The following UNC5A variants were observed in gnomAD, a reference collection of about 807,000 sequenced individuals.
UNC5A encodes the protein unc-5 netrin receptor A.
Under a neutral mutation model 87.4 loss-of-function variants are expected in UNC5A, and 20 were observed. That is an observed-to-expected ratio of 0.23 (90% CI 0.16 to 0.33). The LOEUF is 0.33. Ranked by LOEUF, UNC5A falls within the 10% of genes least tolerant of loss-of-function variation. The pLI is 1.00. For missense variants in UNC5A, 844 were observed against 1,133.4 expected, an observed-to-expected ratio of 0.74 and a Z score of 3.67; for synonymous variants, 438 against 482.3, an observed-to-expected ratio of 0.91 and a Z score of 1.20.
At chr5:176,828,445 G>A (rs1397684243) in intron 1 of UNC5A, among the ~76,000 whole-genome samples, 2 of 152,070 alleles carry the variant, frequency 1.3e-5, no homozygotes, top group Admixed American at 6.5e-5. Context: ...GGCTGGAGGT[G>A]GCAGGACCAG....
rs1384063214 is a variant in UNC5A, at chr5:176,877,572, A to G, written c.1504A>G (p.Ile502Val). The change falls in exon 10 of 15, where the codon ATC becomes GTC. Residue 502 changes from isoleucine to valine, a missense_variant. Ile to Val is a conservative substitution (Grantham distance 29). This residue lies in a region of UNC5A where 353 missense variants were observed against 387.5 expected (regional missense o/e 0.91). Transcript: ENST00000329542. ...TGGCTGTCAGACCCTGCTGAGTCCC[A>G]TCGTTAGCTGTGGACCCCCTGGCGT... is the stretch of plus-strand genomic sequence containing the variant. ...LAGCQTLLSP[I>V]VSCGPPGVLL... The G allele has an allele frequency of 1.9e-6, 3 of 1,610,448 alleles. No homozygotes were observed. The highest frequency in any genetic ancestry group is 1.7e-4 in the Middle Eastern group (1 of 6,044).
intron 1 of UNC5A, among the ~76,000 whole-genome samples, chr5:176,830,662 G>A (rs1257950100): frequency 1.4e-5 from 2 of 145,112 alleles, no homozygotes; most frequent in South Asian, 2.3e-4. Context: ...GTGTGTGTGT[G>A]CTGGTGTGTG....
chr5:176,870,233 T>C, intron 5 of UNC5A, 137 bp from the exon 6 acceptor site: 1 of 1,098,054 alleles, frequency 9.1e-7, no homozygotes, highest in Non-Finnish European at 1.3e-6. Context: ...ATCGTGGGCC[T>C]GGCCCTGGCT....
chr5:176,851,037 G>T (rs1432102787), intron 1 of UNC5A, among the ~76,000 whole-genome samples: 3 of 151,566 alleles, frequency 2.0e-5, no homozygotes, highest in Non-Finnish European at 3.0e-5. Flanking sequence ...ATGGACGTGG[G>T]TCCCTCTTGG....
At position 176,878,898 on chromosome 5, in the gene UNC5A, G is replaced by A. The variant is rs745903589; in HGVS notation, c.2184+259G>A. 2.0e-5 allele frequency among the ~76,000 whole-genome samples: 3 copies of A among 152,336 alleles called. No individual in the cohort carries two copies. In the South Asian group the frequency reaches 6.2e-4, roughly 32 times the overall value. On this transcript the variant is annotated intron_variant, in intron 13 of 14. Transcript: ENST00000329542. ...AGGGGAGACCCTGGAGGGCTTCCCT[G>A]AGGAGGGGCTTTGTACTGGGCCCCA...
At chr5:176,857,048 G>A (rs1170680391) in intron 1 of UNC5A, among the ~76,000 whole-genome samples, 1 of 152,212 alleles carries the variant, frequency 6.6e-6, no homozygotes, top group Non-Finnish European at 1.5e-5. Flanking sequence ...GCCTGGCCTT[G>A]GCATTCAGGG....
At position 176,848,113 on chromosome 5, in the gene UNC5A, G is replaced by A. The variant is rs1487434413; in HGVS notation, c.71-14511G>A. Among the ~76,000 whole-genome samples, 7 of 152,136 alleles carry A rather than the reference G, an allele frequency of 4.6e-5. No individual in the cohort carries two copies. Among genetic ancestry groups the A allele is most frequent in the African/African-American group, 1.2e-4 (5 of 41,492 alleles). On this transcript the variant is annotated intron_variant, in intron 1 of 14. Coordinates refer to ENST00000329542, the MANE Select transcript of UNC5A (RefSeq NM_133369.3). The surrounding 1 kb of genome is among the most constrained non-coding windows in gnomAD (Gnocchi z 5.8). Reference sequence around the variant, plus strand: ...TGACCAGCTGACCAGCAGCCCCCACGCTGCGGCCTCCTCCAGGCTGGTTTC... The same window carrying A: ...TGACCAGCTGACCAGCAGCCCCCACACTGCGGCCTCCTCCAGGCTGGTTTC...
Position 176,868,215 on chromosome 5 carries a change from C to A in UNC5A, c.378C>A (p.Cys126Ter). 1 of 1,613,662 alleles carries A rather than the reference C, an allele frequency of 6.2e-7. No individual in the cohort carries two copies. The highest frequency in any genetic ancestry group is 8.5e-7 in the Non-Finnish European group (1 of 1,179,964). Reference sequence around the variant, plus strand: ...GGCTGGAGGAATACTGGTGCCAGTGCGTGGCATGGAGCTCCTCGGGCACCA... The same window carrying A: ...GGCTGGAGGAATACTGGTGCCAGTGAGTGGCATGGAGCTCCTCGGGCACCA... ...VFGLEEYWCQ[C>*]VAWSSSGTTK... The change falls in exon 3 of 15, where the codon TGC (cysteine) becomes TGA (stop). Residue 126 changes from cysteine (C) to a stop codon, truncating the protein, a stop_gained. Coordinates refer to ENST00000329542, the MANE Select transcript of UNC5A (RefSeq NM_133369.3). LOFTEE classifies it high-confidence loss of function.
intron 1 of UNC5A, among the ~76,000 whole-genome samples, chr5:176,837,284 C>A (rs1350628700): frequency 6.6e-6 from 1 of 152,230 alleles, no homozygotes; most frequent in Non-Finnish European, 1.5e-5. Context: ...TGTGTACTGT[C>A]TTCTAGCACA....
rs200394553 is a variant in UNC5A, at chr5:176,874,056, C to G, written c.975C>G (p.Leu325=). The change falls in exon 7 of 15, where the codon CTC becomes CTG. Residue 325 remains leucine (L), a synonymous_variant. Transcript: ENST00000329542. The surrounding 1 kb of genome is among the most constrained non-coding windows in gnomAD (Gnocchi z 7.6). ...TCCTGCTGCTGCTTGTCCTCATCCT[C>G]GTTTATTGCCGGAAGAAGGAGGGGC... is the stretch of plus-strand genomic sequence containing the variant. ...CLVLLLLVLI[L]VYCRKKEGLD... 6.2e-7 allele frequency: 1 copy of G among 1,613,998 alleles called. No homozygotes were observed.
At chr5:176,851,143 C>A (rs1757532411) in intron 1 of UNC5A, among the ~76,000 whole-genome samples, 1 of 152,256 alleles carries the variant, frequency 6.6e-6, no homozygotes, top group South Asian at 2.1e-4. Context: ...CCTGCCTGGG[C>A]AGGAACCCAT....
Position 176,877,285 on chromosome 5 carries a change from G to T in UNC5A, c.1466+6G>T, listed in dbSNP as rs1214196218. On this transcript the variant is annotated splice_donor_region_variant and intron_variant, in intron 9 of 14. Transcript: ENST00000329542. Reference sequence around the variant, plus strand: ...CACAAGCCGGAAGACGTGAGGTGTGGCCGCGGGCCCTGTTGCCGGGGGTGG... The same window carrying T: ...CACAAGCCGGAAGACGTGAGGTGTGTCCGCGGGCCCTGTTGCCGGGGGTGG... 1 of 1,610,644 alleles carries T rather than the reference G, an allele frequency of 6.2e-7. No homozygotes were observed.
At chr5:176,873,097 C>G (rs1389504002) in intron 6 of UNC5A, among the ~76,000 whole-genome samples, 2 of 147,108 alleles carry the variant, frequency 1.4e-5, no homozygotes, top group Admixed American at 6.8e-5. Flanking sequence ...CACACTCACC[C>G]CACACCACAG....
chr5:176,830,335 G>A (rs1165167808), intron 1 of UNC5A, among the ~76,000 whole-genome samples: 1 of 152,214 alleles, frequency 6.6e-6, no homozygotes, highest in Non-Finnish European at 1.5e-5. Flanking sequence ...CATGGGGCAT[G>A]GGTGCGGTGT....
At chr5:176,831,883 CTCTTTTTTTTTTTTTTTTTT>C (rs1757036685) in intron 1 of UNC5A, among the ~76,000 whole-genome samples, 1 of 115,312 alleles carries the variant, frequency 8.7e-6, no homozygotes. Flanking sequence ...CTTTCTCTCT[CTCTTTTTTTTTTTTTTTTTT>C]TTTTTTTTTT....
intron 1 of UNC5A, among the ~76,000 whole-genome samples, chr5:176,820,630 A>G (rs766024022): frequency 6.6e-6 from 1 of 152,202 alleles, no homozygotes; most frequent in African/African-American, 2.4e-5. Context: ...TGACTGGTCC[A>G]TGGGGATCCC....
At chr5:176,833,504 G>T (rs970981075) in intron 1 of UNC5A, among the ~76,000 whole-genome samples, 2 of 152,142 alleles carry the variant, frequency 1.3e-5, no homozygotes. Context: ...GTATTCCATG[G>T]TATATATGTA....
At chr5:176,830,621 CGTGTGTGTGTGTGCGCTG>C (rs1756982317) in intron 1 of UNC5A, among the ~76,000 whole-genome samples, 2 of 106,194 alleles carry the variant, frequency 1.9e-5, no homozygotes, top group African/African-American at 3.8e-5. Context: ...TGTGCGCTGG[CGTGTGTGTGTGTGCGCTG>C]GCGTGTGCAT....
In UNC5A at chr5:176,878,237, A is replaced by G; in HGVS notation, c.1870-7A>G. The G allele has an allele frequency of 6.2e-7, 1 of 1,610,182 alleles. No individual in the cohort carries two copies. The highest frequency in any genetic ancestry group is 8.5e-7 in the Non-Finnish European group (1 of 1,179,072). On this transcript the variant is annotated splice_polypyrimidine_tract_variant and splice_region_variant and intron_variant, in intron 11 of 14. Transcript: ENST00000329542. ...GGGGCCTGGGCTGACCACCTGGGGC[A>G]CTGCAGGAGGTGGTGCAGCTGGAGA... is the stretch of plus-strand genomic sequence containing the variant.
Sources: allele counts gnomAD v4.1 joint callset (sites outside exome capture counted in the v4.1 genomes callset), GRCh38; gene constraint gnomAD v4.1.1; regional missense constraint gnomAD v4.1.1; non-coding constraint Gnocchi (gnomAD v3.1); transcripts MANE v1.5; gene names NCBI Gene and HGNC (gene_info 2026-07-23, HGNC 2026-07-21).